Variants in AFG2A observed in about 807,000 individuals in gnomAD.
AFG2A encodes AAA ATPase AFG2A.
the AFG2A span, among the ~76,000 whole-genome samples, chr4:123,237,227 T>C: frequency 3.3e-5 from 5 of 152,294 alleles, no homozygotes; most frequent in African/African-American, 1.2e-4. Flanking sequence ...TTCTAACACT[T>C]CATTTATAAA....
chr4:123,028,939 T>A, the AFG2A span, among the ~76,000 whole-genome samples: 2 of 152,258 alleles, frequency 1.3e-5, no homozygotes, highest in Non-Finnish European at 2.9e-5. Context: ...TATGTAGTTG[T>A]ACACTTACTT....
chr4:123,283,030 TC>T, the AFG2A span, among the ~76,000 whole-genome samples: 1 of 152,096 alleles, frequency 6.6e-6, no homozygotes, highest in Non-Finnish European at 1.5e-5. Flanking sequence ...TTATGTTTTG[TC>T]CCTGGAAGTC....
chr4:123,160,310 T>G, the AFG2A span, among the ~76,000 whole-genome samples: 1 of 152,144 alleles, frequency 6.6e-6, no homozygotes, highest in Admixed American at 6.6e-5. Flanking sequence ...GCCATCAGTT[T>G]TACTGCAGGC....
chr4:123,196,829 C>T, the AFG2A span, among the ~76,000 whole-genome samples: 1 of 152,074 alleles, frequency 6.6e-6, no homozygotes, highest in African/African-American at 2.4e-5. Context: ...AGTCTCTTTA[C>T]TATTTATAGA....
At chr4:123,022,794 A>C in the AFG2A span, among the ~76,000 whole-genome samples, 3 of 152,172 alleles carry the variant, frequency 2.0e-5, no homozygotes, top group African/African-American at 4.8e-5. Context: ...CCAAATGTCC[A>C]ACAATGATAG....
chr4:123,134,026 T>A, the AFG2A span, among the ~76,000 whole-genome samples: 1 of 152,216 alleles, frequency 6.6e-6, no homozygotes, highest in East Asian at 1.9e-4. Flanking sequence ...ATATTAGCTC[T>A]TTATTAGATG....
At chr4:123,261,589 T>C in the AFG2A span, among the ~76,000 whole-genome samples, 3 of 152,188 alleles carry the variant, frequency 2.0e-5, no homozygotes, top group African/African-American at 7.2e-5. Flanking sequence ...TGGATTTTGG[T>C]ATCTAAGGGG....
chr4:123,084,772 A>G, the AFG2A span, among the ~76,000 whole-genome samples: 1 of 151,782 alleles, frequency 6.6e-6, no homozygotes, highest in Non-Finnish European at 1.5e-5. Context: ...ACAACTACAG[A>G]CATGCATCAC....
At chr4:123,065,990 G>C in the AFG2A span, among the ~76,000 whole-genome samples, 33 of 152,142 alleles carry the variant, frequency 2.2e-4, no homozygotes, top group African/African-American at 7.7e-4. Flanking sequence ...GAAGTGCTCA[G>C]TTAAAAGCTG....
At chr4:123,021,049 A>G in the AFG2A span, among the ~76,000 whole-genome samples, 3 of 152,194 alleles carry the variant, frequency 2.0e-5, no homozygotes, top group African/African-American at 7.2e-5. Context: ...TATAAGCTGA[A>G]AACAGCTTTT....
chr4:123,025,363 A>C, the AFG2A span, among the ~76,000 whole-genome samples: 1 of 152,330 alleles, frequency 6.6e-6, no homozygotes, highest in Admixed American at 6.5e-5. Context: ...CACATTGAAA[A>C]TGGAACCGAG....
chr4:123,246,695 G>A, the AFG2A span, among the ~76,000 whole-genome samples: 1 of 152,080 alleles, frequency 6.6e-6, no homozygotes, highest in Non-Finnish European at 1.5e-5. Flanking sequence ...GAGATCTGAA[G>A]GAAACAATAT....
chr4:122,968,011 T>G, the AFG2A span, among the ~76,000 whole-genome samples: 1 of 152,038 alleles, frequency 6.6e-6, no homozygotes, highest in African/African-American at 2.4e-5. Flanking sequence ...TTTAGAGCAG[T>G]TTTAGGTTTA....
the AFG2A span, among the ~76,000 whole-genome samples, chr4:123,119,930 AG>A: frequency 6.6e-6 from 1 of 152,152 alleles, no homozygotes; most frequent in Non-Finnish European, 1.5e-5. Context: ...GAGTGCAAGC[AG>A]GGGTAATACC....
chr4:123,000,114 T>C, the AFG2A span, among the ~76,000 whole-genome samples: 3 of 149,488 alleles, frequency 2.0e-5, no homozygotes, highest in Admixed American at 2.0e-4. Context: ...TTGTCTGTTA[T>C]TGGTGTATAA....
chr4:123,225,142 T>G, the AFG2A span, among the ~76,000 whole-genome samples: 1 of 152,320 alleles, frequency 6.6e-6, no homozygotes, highest in South Asian at 2.1e-4. Context: ...TTGCAAAAAT[T>G]TTCTCCCATT....
the AFG2A span, among the ~76,000 whole-genome samples, chr4:123,098,274 G>A: frequency 2.6e-5 from 4 of 151,944 alleles, no homozygotes; most frequent in African/African-American, 9.7e-5. Flanking sequence ...TGTTTATAGA[G>A]TACAACATGT....
At chr4:122,925,507 A>G in the AFG2A span, among the ~76,000 whole-genome samples, 1 of 151,348 alleles carries the variant, frequency 6.6e-6, no homozygotes, top group Non-Finnish European at 1.5e-5. Context: ...TGTCTCCACC[A>G]CTCTGCCTAT....
chr4:123,139,377 C>T, the AFG2A span, among the ~76,000 whole-genome samples: 1 of 151,958 alleles, frequency 6.6e-6, no homozygotes, highest in Non-Finnish European at 1.5e-5. Context: ...TCTTAATAGC[C>T]TCAGGTCTCA....
Sources: gnomAD v4.1 joint callset for allele counts (sites outside exome capture counted in the v4.1 genomes callset) on GRCh38, gnomAD v4.1.1 for gene constraint, MANE v1.5 for transcripts, NCBI Gene and HGNC (gene_info 2026-07-23, HGNC 2026-07-21) for gene names.